The following GNA14 variants were observed in gnomAD, a reference collection of about 807,000 sequenced individuals.
GNA14 encodes guanine nucleotide-binding protein subunit alpha-14.
A neutral mutation model predicts 42.0 loss-of-function variants in GNA14; 50 were observed. The observed-to-expected ratio is 1.19, with a 90% CI of 0.95 to 1.51. GNA14 has a LOEUF of 1.51. GNA14 is among the 40% of genes most tolerant of loss of function. The pLI is 0.00. For missense variants in GNA14, 473 were observed against 446.2 expected (o/e 1.06, Z -0.54); for synonymous variants, 173 against 163.1 (o/e 1.06, Z -0.46).
At position 77,439,735 on chromosome 9, in the gene GNA14, G is replaced by C. The variant is rs992872017; in HGVS notation, c.310-5213C>G. ...TCATCCACAGGTGTCTGGGTACTTT[G>C]ATGGGCCTGTTCAAACAACCTCTAT... is the stretch of plus-strand genomic sequence containing the variant. On this transcript the variant is annotated intron_variant, in intron 2 of 6. Coordinates refer to ENST00000341700, the MANE Select transcript of GNA14 (RefSeq NM_004297.4). Among the ~76,000 whole-genome samples, 7 of 152,216 alleles carry C rather than the reference G, an allele frequency of 4.6e-5. No homozygotes were observed. The East Asian group carries it at 1.3e-3, about 29-fold the overall frequency.
At chr9:77,582,428 T>G (rs1211889574) in intron 1 of GNA14, among the ~76,000 whole-genome samples, 1 of 152,224 alleles carries the variant, frequency 6.6e-6, no homozygotes, top group Non-Finnish European at 1.5e-5. Flanking sequence ...TGAGAAACAC[T>G]GACCGCCAGG....
intron 2 of GNA14, among the ~76,000 whole-genome samples, chr9:77,441,799 CTG>C (rs1177116814): frequency 2.0e-5 from 3 of 152,152 alleles, no homozygotes; most frequent in East Asian, 1.9e-4. Context: ...CAGAATTATA[CTG>C]TGTTTAATGT....
At chr9:77,508,113 C>A (rs1427279204) in intron 2 of GNA14, among the ~76,000 whole-genome samples, 1 of 152,218 alleles carries the variant, frequency 6.6e-6, no homozygotes, top group Non-Finnish European at 1.5e-5. Flanking sequence ...CTCTCTCATT[C>A]TCTATCATCC....
chr9:77,435,039 G>C (rs888947776), intron 2 of GNA14, among the ~76,000 whole-genome samples: 3 of 111,198 alleles, frequency 2.7e-5, no homozygotes, highest in Non-Finnish European at 3.7e-5. Context: ...CTGGGATTTT[G>C]TTCTTTCATT....
Position 77,647,930 on chromosome 9 carries a change from G to T in GNA14, c.-137C>A. 2.0e-6 allele frequency: 2 copies of T among 1,014,074 alleles called. No individual in the cohort carries two copies. Among genetic ancestry groups the T allele is most frequent in the Non-Finnish European group, 2.8e-6 (2 of 703,376 alleles). 62.8% of individuals were successfully genotyped at this position (1,014,074 alleles called of 1,614,324 possible). ...GACGGGGGCCGACTTGAGCTTTGGA[G>T]TAAGACGCCTGGACCTCCGAGGCTC... is the stretch of plus-strand genomic sequence containing the variant. On this transcript the variant is annotated 5_prime_UTR_variant, in exon 1 of 7. Coordinates refer to ENST00000341700, the MANE Select transcript of GNA14 (RefSeq NM_004297.4).
At chr9:77,616,184 C>T (rs1823814333) in intron 1 of GNA14, among the ~76,000 whole-genome samples, 1 of 152,162 alleles carries the variant, frequency 6.6e-6, no homozygotes, top group Non-Finnish European at 1.5e-5. Flanking sequence ...GAATGGAAAC[C>T]TAAAATTCAT....
At chr9:77,433,403 T>G (rs1835589459) in intron 3 of GNA14, among the ~76,000 whole-genome samples, 1 of 152,120 alleles carries the variant, frequency 6.6e-6, no homozygotes, top group African/African-American at 2.4e-5. Context: ...TTCTTTTTTT[T>G]TGAGACAGAG....
intron 1 of GNA14, among the ~76,000 whole-genome samples, chr9:77,573,198 T>C (rs117336469): frequency 0.024 from 3,627 of 152,180 alleles, 82 homozygotes; most frequent in Middle Eastern, 0.037. Context: ...CGTGTAATCC[T>C]AACACTCTGG....
chr9:77,459,763 T>C (rs987368205), intron 2 of GNA14, among the ~76,000 whole-genome samples: 7 of 152,218 alleles, frequency 4.6e-5, no homozygotes, highest in Non-Finnish European at 8.8e-5. Flanking sequence ...TAATGTGTCC[T>C]TATTTGACCC....
At chr9:77,513,845 G>A (rs1837208407) in intron 2 of GNA14, among the ~76,000 whole-genome samples, 1 of 152,086 alleles carries the variant, frequency 6.6e-6, no homozygotes, top group South Asian at 2.1e-4. Flanking sequence ...TCACCTTATT[G>A]TTTGCTGTTT....
chr9:77,532,138 G>T (rs1226421644), intron 1 of GNA14, among the ~76,000 whole-genome samples: 1 of 152,030 alleles, frequency 6.6e-6, no homozygotes, highest in East Asian at 1.9e-4. Flanking sequence ...TTTCCAGAAG[G>T]GAAATGGAAA....
chr9:77,536,929 T>G (rs532122484), intron 1 of GNA14, among the ~76,000 whole-genome samples: 59 of 152,338 alleles, frequency 3.9e-4, no homozygotes, highest in Non-Finnish European at 7.6e-4. Context: ...TATGTGCATT[T>G]TTTTTTACAT....
At chr9:77,621,763 A>T (rs1386881019) in intron 1 of GNA14, among the ~76,000 whole-genome samples, 2 of 152,230 alleles carry the variant, frequency 1.3e-5, no homozygotes, top group African/African-American at 4.8e-5. Flanking sequence ...GAGAGATATT[A>T]AAAGGGATGA....
chr9:77,436,032 G>T (rs1835634905), intron 2 of GNA14, among the ~76,000 whole-genome samples: 9 of 152,194 alleles, frequency 5.9e-5, no homozygotes, highest in Admixed American at 5.9e-4. Context: ...CACTTTTATT[G>T]TGCGTTGTTC....
chr9:77,603,359 G>A (rs1246918716), intron 1 of GNA14, among the ~76,000 whole-genome samples: 2 of 152,172 alleles, frequency 1.3e-5, no homozygotes, highest in East Asian at 3.9e-4. Context: ...AAGTTCCAGG[G>A]TAAGCCTGGA....
intron 2 of GNA14, among the ~76,000 whole-genome samples, chr9:77,504,315 A>G (rs1315472077): frequency 3.9e-5 from 6 of 152,048 alleles, no homozygotes; most frequent in Admixed American, 1.3e-4. Context: ...TACAAACCAG[A>G]TCTTCATTTC....
At chr9:77,429,728 G>C (rs1020013195) in intron 4 of GNA14, among the ~76,000 whole-genome samples, 3 of 152,228 alleles carry the variant, frequency 2.0e-5, no homozygotes, top group African/African-American at 7.2e-5. Flanking sequence ...CTACAGGGAA[G>C]CCTGCCGCGT....
intron 1 of GNA14, among the ~76,000 whole-genome samples, chr9:77,532,000 G>C (rs907080633): frequency 1.3e-5 from 2 of 152,320 alleles, no homozygotes; most frequent in East Asian, 3.9e-4. Flanking sequence ...AAAGAGGGCA[G>C]AGTAAAGGCA....
chr9:77,632,163 T>C (rs1386361995), intron 1 of GNA14, among the ~76,000 whole-genome samples: 7 of 152,200 alleles, frequency 4.6e-5, no homozygotes, highest in Non-Finnish European at 5.9e-5. Context: ...CTCCCTGCTG[T>C]TGGCACCCAC....
Sources: allele counts gnomAD v4.1 joint callset (sites outside exome capture counted in the v4.1 genomes callset), GRCh38; gene constraint gnomAD v4.1.1; transcripts MANE v1.5; gene names NCBI Gene and HGNC (gene_info 2026-07-23, HGNC 2026-07-21).